Variants in MSL2 observed in about 807,000 individuals in gnomAD.
MSL2 encodes MSL complex subunit 2.
In MSL2, 2 loss-of-function variants were observed where a neutral mutation model predicts 35.8. That is an observed-to-expected ratio of 0.06 (90% CI 0.02 to 0.18). MSL2 has a LOEUF of 0.18. Ranked by LOEUF, MSL2 falls within the 10% of genes least tolerant of loss-of-function variation. MSL2 has a pLI of 1.00. For missense variants in MSL2, 523 were observed against 706.7 expected, an observed-to-expected ratio of 0.74 and a Z score of 2.95; for synonymous variants, 296 against 255.7, an observed-to-expected ratio of 1.16 and a Z score of -1.50.
chr3:136,156,591 C>T (rs1159698423), intron 1 of MSL2, among the ~76,000 whole-genome samples: 3 of 152,214 alleles, frequency 2.0e-5, no homozygotes, highest in African/African-American at 7.2e-5. Context: ...TCTGGCCGGG[C>T]ACAGTGGCTC....
intron 1 of MSL2, among the ~76,000 whole-genome samples, chr3:136,157,502 A>C (rs1183148329): frequency 6.6e-6 from 1 of 152,130 alleles, no homozygotes; most frequent in Non-Finnish European, 1.5e-5. Context: ...ACTCCAACTC[A>C]AAAAAACGAA....
At chr3:136,183,535 C>T (rs1940426941) in intron 1 of MSL2, among the ~76,000 whole-genome samples, 1 of 152,176 alleles carries the variant, frequency 6.6e-6, no homozygotes, top group South Asian at 2.1e-4. Context: ...AATCCTCCCA[C>T]CTCAGCCTCC....
chr3:136,155,013 T>A (rs1939478965), intron 1 of MSL2, among the ~76,000 whole-genome samples: 2 of 151,870 alleles, frequency 1.3e-5, no homozygotes, highest in South Asian at 4.2e-4. Flanking sequence ...ACTGAGACCA[T>A]CCTGGCCAAC....
At chr3:136,162,546 G>C (rs1175447484) in intron 1 of MSL2, among the ~76,000 whole-genome samples, 1 of 151,968 alleles carries the variant, frequency 6.6e-6, no homozygotes, top group African/African-American at 2.4e-5. Flanking sequence ...CGCCACTGCG[G>C]TCCAGCCTGG....
chr3:136,179,311 C>T (rs1264032183), intron 1 of MSL2, among the ~76,000 whole-genome samples: 3 of 152,068 alleles, frequency 2.0e-5, no homozygotes, highest in Admixed American at 6.6e-5. Flanking sequence ...CTCAAGCTCC[C>T]GAGTAGCTGG....
At chr3:136,183,911 T>C (rs1451940398) in intron 1 of MSL2, among the ~76,000 whole-genome samples, 1 of 152,222 alleles carries the variant, frequency 6.6e-6, no homozygotes, top group Non-Finnish European at 1.5e-5. Flanking sequence ...AATCAACAAC[T>C]GTTCTCTAAC....
intron 1 of MSL2, among the ~76,000 whole-genome samples, chr3:136,188,399 A>G (rs1390542613): frequency 6.6e-6 from 1 of 151,522 alleles, no homozygotes; most frequent in Admixed American, 6.6e-5. Context: ...GCACCACTGC[A>G]GTCCAGCCTG....
intron 1 of MSL2, among the ~76,000 whole-genome samples, chr3:136,158,825 G>C (rs1340912216): frequency 6.6e-6 from 1 of 152,076 alleles, no homozygotes; most frequent in African/African-American, 2.4e-5. Context: ...TATATGCTAG[G>C]AATGAACAAA....
intron 1 of MSL2, among the ~76,000 whole-genome samples, chr3:136,161,369 C>T (rs1939703656): frequency 6.6e-6 from 1 of 152,112 alleles, no homozygotes. Context: ...TCCTAGGAAC[C>T]TACCTAAAGA....
intron 1 of MSL2, among the ~76,000 whole-genome samples, chr3:136,193,678 G>A (rs373550933): frequency 8.6e-5 from 13 of 151,772 alleles, no homozygotes; most frequent in Non-Finnish European, 1.9e-4. Flanking sequence ...TAAAACTTAA[G>A]CTGAAAGGAA....
At chr3:136,189,656 G>A (rs1427254828) in intron 1 of MSL2, among the ~76,000 whole-genome samples, 1 of 150,188 alleles carries the variant, frequency 6.7e-6, no homozygotes, top group Non-Finnish European at 1.5e-5. Flanking sequence ...CCCGGGAGGT[G>A]GAGCTTGCAG....
intron 1 of MSL2, among the ~76,000 whole-genome samples, chr3:136,170,508 CTTTT>C (rs71157363): frequency 3.6e-4 from 29 of 81,650 alleles, no homozygotes; most frequent in South Asian, 3.5e-3. Context: ...AAACTCTGTC[CTTTT>C]TTTTTTTTTT....
intron 1 of MSL2, among the ~76,000 whole-genome samples, chr3:136,156,196 T>G (rs941632281): frequency 2.6e-5 from 4 of 152,188 alleles, no homozygotes; most frequent in Non-Finnish European, 5.9e-5. Context: ...TTATTAAAGA[T>G]TAATCCTAAT....
intron 1 of MSL2, among the ~76,000 whole-genome samples, chr3:136,191,208 C>T (rs1940680353): frequency 6.6e-6 from 1 of 152,168 alleles, no homozygotes; most frequent in Admixed American, 6.5e-5. Context: ...GTGGCTCACA[C>T]CTGTAATCCC....
intron 1 of MSL2, among the ~76,000 whole-genome samples, chr3:136,166,387 C>CA (rs796718965): frequency 1.9e-3 from 280 of 147,288 alleles, no homozygotes; most frequent in African/African-American, 6.0e-3. Flanking sequence ...GACTCTATCT[C>CA]AAAAAAAAAG....
At chr3:136,164,249 A>C (rs748411740) in intron 1 of MSL2, among the ~76,000 whole-genome samples, 1 of 152,228 alleles carries the variant, frequency 6.6e-6, no homozygotes, top group Admixed American at 6.5e-5. Flanking sequence ...CTAATATGTT[A>C]ATCAAAACCT....
chr3:136,180,059 C>T (rs1318941833), intron 1 of MSL2, among the ~76,000 whole-genome samples: 2 of 151,334 alleles, frequency 1.3e-5, no homozygotes, highest in Admixed American at 1.3e-4. Context: ...AGCGAGACTC[C>T]GTCTCAAAAA....
chr3:136,153,388 T>C (rs914769238), intron 1 of MSL2, among the ~76,000 whole-genome samples: 5 of 152,210 alleles, frequency 3.3e-5, no homozygotes, highest in African/African-American at 1.2e-4. Flanking sequence ...AAAGATAGTC[T>C]TGAGGGCATT....
Position 136,194,568 on chromosome 3 carries a change from C to T in MSL2, c.142+404G>A, listed in dbSNP as rs1940781982. 1.3e-5 allele frequency: 6 copies of T among 467,748 alleles called. No individual in the cohort carries two copies. In the South Asian group the frequency reaches 3.0e-4, roughly 24 times the overall value. 29.0% of individuals were successfully genotyped at this position (467,748 alleles called of 1,614,324 possible). ...TAACACCAGTTTGGGGAAATGCAAA[C>T]ACGCCACATGTGCCCACATGTGCAT... On this transcript the variant is annotated intron_variant, in intron 1 of 1. Coordinates refer to ENST00000309993, the MANE Select transcript of MSL2 (RefSeq NM_018133.4).
Sources: allele counts gnomAD v4.1 joint callset (sites outside exome capture counted in the v4.1 genomes callset), GRCh38; gene constraint gnomAD v4.1.1; transcripts MANE v1.5; gene names NCBI Gene and HGNC (gene_info 2026-07-23, HGNC 2026-07-21).